The following C16orf78 variants were observed in gnomAD, a reference collection of about 807,000 sequenced individuals.
C16orf78 encodes the protein chromosome 16 open reading frame 78.
Under a neutral mutation model 27.3 loss-of-function variants are expected in C16orf78, and 19 were observed. The observed-to-expected ratio is 0.70, with a 90% CI of 0.49 to 1.02. The LOEUF (loss-of-function observed/expected upper bound fraction) is 1.02, where lower values mean the gene tolerates loss of function less well. Ranked by LOEUF, C16orf78 falls within the 50% of genes least tolerant of loss-of-function variation. The pLI is 0.00. For synonymous variants in C16orf78, 130 were observed against 116.1 expected (o/e 1.12, Z -0.77); for missense variants, 339 against 337.0 (o/e 1.01, Z -0.05).
At chr16:49,390,976 C>T (rs531924276) in intron 3 of C16orf78, among the ~76,000 whole-genome samples, 3 of 152,200 alleles carry the variant, frequency 2.0e-5, no homozygotes, top group Admixed American at 1.3e-4. Flanking sequence ...GTGTGTTGTC[C>T]GATGTCTTAA....
chr16:49,374,178 A>G (rs1202567454), intron 1 of C16orf78, 89 bp downstream of exon 1: 2 of 1,501,576 alleles, frequency 1.3e-6, no homozygotes, highest in Admixed American at 2.0e-5. Flanking sequence ...CTCCTGAAAC[A>G]AAAGGCGGGA....
chr16:49,383,750 T>C (rs1455595075), intron 3 of C16orf78, among the ~76,000 whole-genome samples: 1 of 152,184 alleles, frequency 6.6e-6, no homozygotes, highest in Non-Finnish European at 1.5e-5. Flanking sequence ...CTCAGAACTT[T>C]CGGAGGCCAA....
At chr16:49,378,421 G>C in intron 2 of C16orf78, 49 bp from the exon 3 acceptor site, 3 of 1,538,184 alleles carry the variant, frequency 2.0e-6, no homozygotes, top group South Asian at 2.4e-5. Context: ...CGGGGAGGGC[G>C]AGCCAGGTCC....
intron 3 of C16orf78, among the ~76,000 whole-genome samples, chr16:49,396,045 C>A (rs950912556): frequency 6.6e-6 from 1 of 152,116 alleles, no homozygotes; most frequent in Non-Finnish European, 1.5e-5. Context: ...GAGTTCAAGA[C>A]CAGCCTGGGC....
At chr16:49,386,158 C>T (rs1292930907) in intron 3 of C16orf78, among the ~76,000 whole-genome samples, 2 of 152,068 alleles carry the variant, frequency 1.3e-5, no homozygotes, top group Non-Finnish European at 2.9e-5. Flanking sequence ...GAAGACATAA[C>T]AACTGAAATA....
intron 3 of C16orf78, among the ~76,000 whole-genome samples, chr16:49,393,216 C>G (rs936968409): frequency 3.3e-5 from 5 of 152,150 alleles, no homozygotes; most frequent in Non-Finnish European, 5.9e-5. Context: ...ATTCTCCCCA[C>G]TATAGGGGTA....
At chr16:49,375,993 C>T (rs1965212142) in intron 1 of C16orf78, among the ~76,000 whole-genome samples, 1 of 152,196 alleles carries the variant, frequency 6.6e-6, no homozygotes, top group African/African-American at 2.4e-5. Context: ...AGAGAGGGAG[C>T]AAGTTTACAT....
At chr16:49,391,273 G>T (rs1168075384) in intron 3 of C16orf78, among the ~76,000 whole-genome samples, 1 of 152,158 alleles carries the variant, frequency 6.6e-6, no homozygotes, top group African/African-American at 2.4e-5. Flanking sequence ...CTGAGTAGTA[G>T]ACTGGAAAGG....
At chr16:49,374,121 A>G in intron 1 of C16orf78, 32 bp downstream of exon 1, 1 of 1,610,684 alleles carries the variant, frequency 6.2e-7, no homozygotes, top group Non-Finnish European at 8.5e-7. Flanking sequence ...TGGCAGGAAG[A>G]CTTTACTCAA....
intron 1 of C16orf78, 149 bp downstream of exon 1, chr16:49,374,238 AG>A: frequency 1.1e-6 from 1 of 923,872 alleles, no homozygotes. Context: ...AAGGACATTA[AG>A]GGGGTGGGGG....
At chr16:49,384,028 C>A (rs1355158131) in intron 3 of C16orf78, among the ~76,000 whole-genome samples, 1 of 152,084 alleles carries the variant, frequency 6.6e-6, no homozygotes, top group Non-Finnish European at 1.5e-5. Flanking sequence ...AAAATGAATT[C>A]AGCAATGGAA....
At chr16:49,389,226 C>A (rs1965383975) in intron 3 of C16orf78, among the ~76,000 whole-genome samples, 2 of 152,190 alleles carry the variant, frequency 1.3e-5, no homozygotes, top group East Asian at 1.9e-4. Flanking sequence ...AGTTCGAGAC[C>A]AGCTTGGCCA....
chr16:49,384,368 A>AAG (rs1567391927), intron 3 of C16orf78, among the ~76,000 whole-genome samples: 9 of 143,228 alleles, frequency 6.3e-5, no homozygotes, highest in South Asian at 2.3e-4. Flanking sequence ...AAAAAAAAAA[A>AAG]GCAGAAAACT....
intron 3 of C16orf78, 45 bp from the exon 4 acceptor site, chr16:49,396,378 C>A (rs188780400): frequency 8.7e-6 from 14 of 1,601,376 alleles, no homozygotes; most frequent in South Asian, 6.7e-5. Flanking sequence ...CCACCTCTCA[C>A]GTCTCCCACG....
chr16:49,374,946 T>TA (rs1189809819), intron 1 of C16orf78, among the ~76,000 whole-genome samples: 1 of 152,080 alleles, frequency 6.6e-6, no homozygotes, highest in Non-Finnish European at 1.5e-5. Flanking sequence ...GCAAAATGAG[T>TA]AAAAAATGCC....
At position 49,399,200 on chromosome 16, in the gene C16orf78, G is replaced by A. The variant is rs1965511281; in HGVS notation, c.720G>A (p.Val240=). 1 of 1,614,164 alleles carries A rather than the reference G, an allele frequency of 6.2e-7. No individual in the cohort carries two copies. The highest frequency in any genetic ancestry group is 8.5e-7 in the Non-Finnish European group (1 of 1,180,020). Residue 240 remains valine (V), a synonymous_variant, in exon 5 of 5, where the codon GTG becomes GTA. Coordinates refer to ENST00000299191, the MANE Select transcript of C16orf78 (RefSeq NM_144602.4). ...LKLCKDAGMN[V]DIHPHMVEED... ...TGTGCAAGGATGCAGGAATGAATGTGGATATCCACCCCCACATGGTCGAAG... is the reference window on the plus strand; with the variant it reads ...TGTGCAAGGATGCAGGAATGAATGTAGATATCCACCCCCACATGGTCGAAG...
intron 3 of C16orf78, among the ~76,000 whole-genome samples, chr16:49,389,884 T>C (rs1965393215): frequency 6.6e-6 from 1 of 152,252 alleles, no homozygotes; most frequent in Non-Finnish European, 1.5e-5. Context: ...CAGATTTCTG[T>C]GTGGAATAAT....
intron 3 of C16orf78, among the ~76,000 whole-genome samples, chr16:49,388,855 T>A (rs557002502): frequency 1.3e-5 from 2 of 152,156 alleles, no homozygotes; most frequent in Non-Finnish European, 2.9e-5. Context: ...GATTTCTAAT[T>A]TTATTGCACT....
chr16:49,376,253 C>T (rs1965216406), intron 1 of C16orf78, among the ~76,000 whole-genome samples: 1 of 152,216 alleles, frequency 6.6e-6, no homozygotes, highest in Non-Finnish European at 1.5e-5. Context: ...ATGGTATTTC[C>T]CCCTTGTGAT....
Sources: gnomAD v4.1 joint callset for allele counts (sites outside exome capture counted in the v4.1 genomes callset) on GRCh38, gnomAD v4.1.1 for gene constraint, MANE v1.5 for transcripts, NCBI Gene and HGNC (gene_info 2026-07-23, HGNC 2026-07-21) for gene names.